GRM7: variants seen among roughly 807,000 people sequenced by gnomAD.
GRM7 encodes metabotropic glutamate receptor 7.
A neutral mutation model predicts 84.5 loss-of-function variants in GRM7; 35 were observed. That is an observed-to-expected ratio of 0.41 (90% confidence interval 0.32 to 0.55). The LOEUF is 0.55. Among genes scored for constraint, GRM7 ranks in the 20% least tolerant of loss-of-function variants. The pLI, the probability that GRM7 is intolerant of heterozygous loss-of-function variation, is 0.19. For synonymous variants in GRM7, 487 were observed against 455.1 expected, an observed-to-expected ratio of 1.07 and a Z score of -0.89; for missense variants, 1,003 against 1,194.6, an observed-to-expected ratio of 0.84 and a Z score of 2.36.
intron 1 of GRM7, among the ~76,000 whole-genome samples, chr3:7,120,434 G>T (rs1173329653): frequency 6.6e-6 from 1 of 152,022 alleles, no homozygotes; most frequent in Non-Finnish European, 1.5e-5. Context: ...TTTTCTAAAG[G>T]ATTGATTGAA....
intron 7 of GRM7, among the ~76,000 whole-genome samples, chr3:7,478,901 G>A (rs1246403920): frequency 6.6e-6 from 1 of 152,014 alleles, no homozygotes; most frequent in Non-Finnish European, 1.5e-5. Flanking sequence ...TTCTTAATTG[G>A]TCCCTATGCA....
At chr3:6,974,550 G>T (rs947790543) in intron 1 of GRM7, among the ~76,000 whole-genome samples, 1 of 152,168 alleles carries the variant, frequency 6.6e-6, no homozygotes, top group African/African-American at 2.4e-5. Flanking sequence ...ATCAGGGAAG[G>T]CTGCTGAAGA....
chr3:7,243,920 C>T (rs895951171), intron 2 of GRM7, among the ~76,000 whole-genome samples: 1 of 151,960 alleles, frequency 6.6e-6, no homozygotes, highest in African/African-American at 2.4e-5. Context: ...CAAATCTAAA[C>T]ATGGGAAAGG....
chr3:7,402,029 A>G (rs539995487), intron 4 of GRM7, among the ~76,000 whole-genome samples: 1 of 152,324 alleles, frequency 6.6e-6, no homozygotes, highest in East Asian at 1.9e-4. Context: ...TTAAAAATGT[A>G]AGACTCTTTT....
At chr3:6,887,973 T>A (rs9868106) in intron 1 of GRM7, among the ~76,000 whole-genome samples, 1,931 of 152,292 alleles carry the variant, frequency 0.013, 43 homozygotes, top group African/African-American at 0.043. Flanking sequence ...GCATTTCTCT[T>A]ATGGCCAGTG....
chr3:6,940,830 G>C (rs548953346), intron 1 of GRM7, among the ~76,000 whole-genome samples: 1 of 152,248 alleles, frequency 6.6e-6, no homozygotes, highest in African/African-American at 2.4e-5. Flanking sequence ...AACCACCTAA[G>C]TTCTTCCTCA....
intron 1 of GRM7, among the ~76,000 whole-genome samples, chr3:7,123,051 C>T (rs1449010621): frequency 6.6e-6 from 1 of 152,216 alleles, no homozygotes; most frequent in East Asian, 1.9e-4. Context: ...ATTAGAATCA[C>T]TATAATCAGA....
At chr3:7,127,117 T>TA (rs370033839) in intron 1 of GRM7, among the ~76,000 whole-genome samples, 1 of 152,186 alleles carries the variant, frequency 6.6e-6, no homozygotes, top group South Asian at 2.1e-4. Context: ...ATGTCAGTTG[T>TA]AAAAAATTAT....
At chr3:7,649,377 C>T (rs750466699) in intron 8 of GRM7, among the ~76,000 whole-genome samples, 77 of 152,188 alleles carry the variant, frequency 5.1e-4, no homozygotes, top group Non-Finnish European at 8.4e-4. Flanking sequence ...TGTGAGCCAC[C>T]GCGCCCAGCC....
chr3:7,715,269 G>A (rs1202801939), intron 9 of GRM7, among the ~76,000 whole-genome samples: 1 of 151,876 alleles, frequency 6.6e-6, no homozygotes, highest in Non-Finnish European at 1.5e-5. Flanking sequence ...AAACCAGCCT[G>A]GTCAACATAG....
chr3:7,719,776 G>A (rs1701879473), intron 9 of GRM7, among the ~76,000 whole-genome samples: 1 of 82,054 alleles, frequency 1.2e-5, no homozygotes, highest in African/African-American at 3.7e-5. Flanking sequence ...TGCACCACTG[G>A]GCAACACACA....
chr3:7,196,854 C>G (rs1039675839), intron 2 of GRM7, among the ~76,000 whole-genome samples: 3 of 152,178 alleles, frequency 2.0e-5, no homozygotes, highest in African/African-American at 7.2e-5. Context: ...ACCTGAGTCA[C>G]TGTGTTCACT....
chr3:7,461,341 A>G (rs1392844249), intron 6 of GRM7, among the ~76,000 whole-genome samples: 1 of 152,178 alleles, frequency 6.6e-6, no homozygotes, highest in Non-Finnish European at 1.5e-5. Flanking sequence ...TTTAAGAAAT[A>G]TTGAGAAACA....
chr3:7,604,125 G>A (rs1696449135), intron 8 of GRM7, among the ~76,000 whole-genome samples: 1 of 123,086 alleles, frequency 8.1e-6, no homozygotes. Context: ...AACTTAGAAG[G>A]GTTTGTTCTT....
chr3:7,390,826 C>T (rs1352196795), intron 4 of GRM7, among the ~76,000 whole-genome samples: 1 of 151,762 alleles, frequency 6.6e-6, no homozygotes, highest in African/African-American at 2.4e-5. Flanking sequence ...CTTCCAAATT[C>T]TAAGTTCTAT....
intron 1 of GRM7, among the ~76,000 whole-genome samples, chr3:6,908,379 A>G (rs1186621881): frequency 2.0e-5 from 3 of 152,184 alleles, no homozygotes; most frequent in Non-Finnish European, 2.9e-5. Flanking sequence ...CATGGACTCA[A>G]TGCACTTAAG....
chr3:6,963,573 C>T (rs1245130023), intron 1 of GRM7, among the ~76,000 whole-genome samples: 1 of 146,880 alleles, frequency 6.8e-6, no homozygotes, highest in Non-Finnish European at 1.5e-5. Context: ...TACAGTGAGC[C>T]CTCCAGCCTG....
chr3:7,053,077 T>G (rs76792120), intron 1 of GRM7, among the ~76,000 whole-genome samples: 267 of 134,524 alleles, frequency 2.0e-3, no homozygotes, highest in African/African-American at 4.5e-3. Flanking sequence ...TTTTCTTGGG[T>G]TTTTTTTTTT....
intron 2 of GRM7, among the ~76,000 whole-genome samples, chr3:7,243,949 TA>T (rs1457536736): frequency 3.9e-5 from 6 of 152,024 alleles, no homozygotes; most frequent in South Asian, 2.1e-4. Context: ...AAATATAATA[TA>T]AAAAATAAAA....
Sources: allele counts gnomAD v4.1 joint callset (sites outside exome capture counted in the v4.1 genomes callset), GRCh38; gene constraint gnomAD v4.1.1; transcripts MANE v1.5; gene names NCBI Gene and HGNC (gene_info 2026-07-23, HGNC 2026-07-21).